Variants in EEF1AKMT2 observed in about 807,000 individuals in gnomAD.
EEF1AKMT2 encodes eukaryotic translation elongation factor 1 alpha lysine methyltransferase 2.
Under a neutral mutation model 35.8 loss-of-function variants are expected in EEF1AKMT2, and 32 were observed. That is an observed-to-expected ratio of 0.89 (90% CI 0.67 to 1.20). EEF1AKMT2 has a LOEUF of 1.20. Ranked by LOEUF, EEF1AKMT2 falls within the 50% of genes most tolerant of loss-of-function variation. The probability of loss-of-function intolerance (pLI) is 0.00; values close to 1 mark genes in which losing one functional copy is unlikely to be tolerated. For missense variants in EEF1AKMT2, 330 were observed against 347.5 expected (o/e 0.95, Z 0.40); for synonymous variants, 121 against 133.7 (o/e 0.91, Z 0.65).
chr10:124,780,182 G>C (rs1950528447), intron 3 of EEF1AKMT2, among the ~76,000 whole-genome samples: 1 of 152,206 alleles, frequency 6.6e-6, no homozygotes, highest in African/African-American at 2.4e-5. Context: ...TAGACAATAT[G>C]CAAATGAATA....
At chr10:124,779,403 G>A (rs544730957) in intron 3 of EEF1AKMT2, among the ~76,000 whole-genome samples, 18 of 150,506 alleles carry the variant, frequency 1.2e-4, no homozygotes, top group African/African-American at 4.1e-4. Context: ...AAAGTGCTGG[G>A]ATTATAGGTG....
downstream of EEF1AKMT2, chr10:124,757,786 T>C (rs1589775564): frequency 2.0e-5 from 3 of 151,402 alleles, 1 homozygote; most frequent in South Asian, 6.3e-4. Context: ...AAAAGGAAAA[T>C]TCAGTGCTAC....
chr10:124,780,245 G>C (rs1950528837), intron 3 of EEF1AKMT2, among the ~76,000 whole-genome samples: 1 of 152,178 alleles, frequency 6.6e-6, no homozygotes, highest in Non-Finnish European at 1.5e-5. Flanking sequence ...GTCCAGATTT[G>C]ACCCGTAGAC....
At chr10:124,781,348 G>A (rs1023821492) in intron 3 of EEF1AKMT2, among the ~76,000 whole-genome samples, 2 of 151,770 alleles carry the variant, frequency 1.3e-5, no homozygotes, top group African/African-American at 2.4e-5. Flanking sequence ...GAAGGCTGAG[G>A]CAGGCAGATC....
At chr10:124,768,278 T>G (rs1950397417) in intron 4 of EEF1AKMT2, among the ~76,000 whole-genome samples, 1 of 152,118 alleles carries the variant, frequency 6.6e-6, no homozygotes, top group Non-Finnish European at 1.5e-5. Context: ...CAGTTCAGGA[T>G]TGTGAGCAAG....
chr10:124,785,141 G>C (rs1950573739), intron 3 of EEF1AKMT2, among the ~76,000 whole-genome samples: 1 of 150,828 alleles, frequency 6.6e-6, no homozygotes, highest in Non-Finnish European at 1.5e-5. Flanking sequence ...CAGCTACTCG[G>C]GAGGCTGAGG....
At chr10:124,788,782 A>T (rs1950610963) in intron 3 of EEF1AKMT2, among the ~76,000 whole-genome samples, 1 of 145,546 alleles carries the variant, frequency 6.9e-6, no homozygotes, top group Admixed American at 7.0e-5. Flanking sequence ...CCTAGTCACA[A>T]CCCTTAGGAA....
chr10:124,768,166 A>G (rs1038480755), intron 4 of EEF1AKMT2, among the ~76,000 whole-genome samples: 2 of 152,208 alleles, frequency 1.3e-5, no homozygotes, highest in East Asian at 3.8e-4. Flanking sequence ...AGAAAAGCCA[A>G]TGTGACCGAG....
chr10:124,787,727 C>T (rs574570752), intron 3 of EEF1AKMT2, among the ~76,000 whole-genome samples: 1 of 141,286 alleles, frequency 7.1e-6, no homozygotes, highest in East Asian at 2.1e-4. Flanking sequence ...ACCTGGGTGA[C>T]AAAGCCTGAA....
rs983438472 is a variant in EEF1AKMT2, at chr10:124,790,538, T to C, written c.111-200A>G. Among the ~76,000 whole-genome samples, 9 of 152,118 alleles carry C rather than the reference T, an allele frequency of 5.9e-5. No homozygotes were observed. In the East Asian group the frequency reaches 1.5e-3, roughly 26 times the overall value. Reference sequence around the variant, plus strand: ...TACATGGGCAAGCAGAATACGTTTATACTGTACATGTAAAGCATTTAGGAC... The same window carrying C: ...TACATGGGCAAGCAGAATACGTTTACACTGTACATGTAAAGCATTTAGGAC... On this transcript the variant is annotated intron_variant, in intron 1 of 6. Transcript: ENST00000368836.
chr10:124,767,169 A>C (rs1294805464), intron 4 of EEF1AKMT2, among the ~76,000 whole-genome samples: 3 of 150,582 alleles, frequency 2.0e-5, no homozygotes, highest in Non-Finnish European at 3.0e-5. Context: ...TTAAAAAAAA[A>C]AAAAAAAAAA....
chr10:124,771,320 T>G (rs111453435), intron 4 of EEF1AKMT2, among the ~76,000 whole-genome samples: 145 of 151,756 alleles, frequency 9.6e-4, no homozygotes, highest in Non-Finnish European at 1.5e-3. Flanking sequence ...AGGATGGTCT[T>G]GATCTCCTGA....
intron 4 of EEF1AKMT2, 34 bp from the exon 5 acceptor site, chr10:124,765,642 T>A (rs754174607): frequency 1.3e-6 from 2 of 1,532,346 alleles, no homozygotes; most frequent in South Asian, 2.3e-5. Flanking sequence ...GTGAGAACAA[T>A]TAAAACAAAA....
rs1323566519 is a variant in EEF1AKMT2, at chr10:124,758,788, T to C, written c.*1715A>G. 1 of 152,188 alleles carries C rather than the reference T, an allele frequency of 6.6e-6. No homozygotes were observed. Among genetic ancestry groups the C allele is most frequent in the Non-Finnish European group, 1.5e-5 (1 of 68,022 alleles). The allele number at this position is 152,188 out of a possible 1,614,324, so 9.4% of individuals were successfully genotyped here. ...CCCGATCTCAAAAACTATAAAAGTT[T>C]CTACAGTTTAAGATCTCCTGTCTTG... is the stretch of plus-strand genomic sequence containing the variant. On this transcript the variant is annotated 3_prime_UTR_variant, in exon 7 of 7. Coordinates refer to ENST00000368836, the MANE Select transcript of EEF1AKMT2 (RefSeq NM_212554.4).
chr10:124,765,738 A>G (rs545520279), intron 4 of EEF1AKMT2, 130 bp from the exon 5 acceptor site: 18 of 674,048 alleles, frequency 2.7e-5, no homozygotes, highest in African/African-American at 2.5e-4. Context: ...TATAATAAAC[A>G]TATTTTCAAC....
intron 4 of EEF1AKMT2, among the ~76,000 whole-genome samples, chr10:124,766,868 T>G (rs1351904419): frequency 1.3e-5 from 2 of 152,086 alleles, no homozygotes; most frequent in Non-Finnish European, 2.9e-5. Context: ...GATATAACAG[T>G]AAACAAAACA....
chr10:124,762,353 G>A lies in EEF1AKMT2; in HGVS notation c.822C>T (p.Thr274=), dbSNP rs1193924420. 2 of 1,257,668 alleles carry A rather than the reference G, an allele frequency of 1.6e-6. No homozygotes were observed. The allele number at this position is 1,257,668 out of a possible 1,614,324, so 77.9% of individuals were successfully genotyped here. The change falls in exon 6 of 7, where the codon ACC becomes ACT. Residue 274 remains threonine (T), a synonymous_variant. Transcript: ENST00000368836. ...ATAATCCCAGCACTTTGGGAGGCCAGGTGGGAGAATCACTTGAGCCCAGGA... is the reference window on the plus strand; with the variant it reads ...ATAATCCCAGCACTTTGGGAGGCCAAGTGGGAGAATCACTTGAGCCCAGGA... ...LELLGSSDSP[T]WPPKVLGLYH...
chr10:124,788,993 A>T (rs992411049), intron 3 of EEF1AKMT2, 50 bp downstream of exon 3: 9 of 1,384,548 alleles, frequency 6.5e-6, no homozygotes, highest in Admixed American at 3.6e-5. Flanking sequence ...GCCTTTAAAA[A>T]TTTTCCTTTT....
chr10:124,776,080 G>A (rs112140735), intron 3 of EEF1AKMT2, among the ~76,000 whole-genome samples: 21,495 of 152,030 alleles, frequency 0.14, 1,782 homozygotes, highest in African/African-American at 0.21. Flanking sequence ...ACCACGCCCA[G>A]CTAATTTTGT....
Sources: allele counts gnomAD v4.1 joint callset (sites outside exome capture counted in the v4.1 genomes callset), GRCh38; gene constraint gnomAD v4.1.1; transcripts MANE v1.5; gene names NCBI Gene and HGNC (gene_info 2026-07-23, HGNC 2026-07-21).